Variants in NPLOC4 observed in about 807,000 individuals in gnomAD.
The protein encoded by NPLOC4 is NPL4 homolog, ubiquitin recognition factor.
A neutral mutation model predicts 80.6 loss-of-function variants in NPLOC4; 18 were observed. That is an observed-to-expected ratio of 0.22 (90% confidence interval 0.15 to 0.33). The LOEUF is 0.33. Ranked by LOEUF, NPLOC4 falls within the 10% of genes least tolerant of loss-of-function variation. NPLOC4 has a pLI of 1.00. For missense variants in NPLOC4, 540 were observed against 786.1 expected (o/e 0.69, Z 3.74); for synonymous variants, 313 against 301.5 (o/e 1.04, Z -0.39).
At chr17:81,589,761 G>A (rs1360729407) in intron 11 of NPLOC4, among the ~76,000 whole-genome samples, 1 of 151,858 alleles carries the variant, frequency 6.6e-6, no homozygotes, top group Non-Finnish European at 1.5e-5. Context: ...ACTCTGAGAG[G>A]GCAGGGCGGG....
At position 81,629,711 on chromosome 17, in the gene NPLOC4, C is replaced by A; in HGVS notation, c.96+14G>T. The A allele has an allele frequency of 1.3e-6, 2 of 1,595,928 alleles. No individual in the cohort carries two copies. The highest frequency in any genetic ancestry group is 2.2e-5 in the East Asian group (1 of 44,794). Reference sequence around the variant, plus strand: ...GAAAAATATCCTGAGGGTCAATACCCAGGCCACAGATACCTTTTTCAAAAA... The same window carrying A: ...GAAAAATATCCTGAGGGTCAATACCAAGGCCACAGATACCTTTTTCAAAAA... On this transcript the variant is annotated intron_variant, in intron 2 of 16. Transcript: ENST00000331134.
chr17:81,608,662 T>C, intron 6 of NPLOC4, 66 bp downstream of exon 6: 2 of 1,203,264 alleles, frequency 1.7e-6, no homozygotes, highest in South Asian at 1.3e-5. Context: ...TCACTGGCTA[T>C]AAGCAACAAC....
At position 81,610,226 on chromosome 17, in the gene NPLOC4, T is replaced by C; in HGVS notation, c.419A>G (p.His140Arg). ...CRHGPLGKCV[H>R]CVPLEPFDED... ...GACTCTCACCTCTAGAGGGACGCAG[T>C]GCACGCATTTCCCCAAAGGGCCGTG... Residue 140 changes from histidine (H) to arginine (R), a missense_variant, in exon 5 of 17, where the codon CAC becomes CGC. His to Arg is a conservative substitution (Grantham distance 29, BLOSUM62 0). Coordinates refer to ENST00000331134, the MANE Select transcript of NPLOC4 (RefSeq NM_017921.4). 1 of 1,575,212 alleles carries C rather than the reference T, an allele frequency of 6.3e-7. No individual in the cohort carries two copies. Among genetic ancestry groups the C allele is most frequent in the Non-Finnish European group, 8.6e-7 (1 of 1,160,942 alleles).
Position 81,557,502 on chromosome 17 carries a change from G to A in NPLOC4, c.*1757C>T, listed in dbSNP as rs977393262. ...CGAGTGGGAGAGGAACTGGCAACGC[G>A]GCTCTCTCTAGAAGTCCGTGCTGTC... On this transcript the variant is annotated 3_prime_UTR_variant, in exon 17 of 17. Coordinates refer to ENST00000331134, the MANE Select transcript of NPLOC4 (RefSeq NM_017921.4). 7 of 152,240 alleles carry A rather than the reference G, an allele frequency of 4.6e-5. No homozygotes were observed. The highest frequency in any genetic ancestry group is 1.7e-4 in the African/African-American group (7 of 41,430). The allele number at this position is 152,240 out of a possible 1,614,324, so 9.4% of individuals were successfully genotyped here.
intron 12 of NPLOC4, among the ~76,000 whole-genome samples, chr17:81,585,952 G>A (rs1196882861): frequency 1.3e-5 from 2 of 152,186 alleles, no homozygotes; most frequent in Non-Finnish European, 2.9e-5. Flanking sequence ...TCACGCCACT[G>A]CACTCCAGTC....
At chr17:81,603,518 C>G (rs1454181477) in intron 8 of NPLOC4, among the ~76,000 whole-genome samples, 1 of 152,128 alleles carries the variant, frequency 6.6e-6, no homozygotes, top group Non-Finnish European at 1.5e-5. Flanking sequence ...ATCGCTTGAG[C>G]CCAGGAGGTC....
chr17:81,601,337 C>T (rs1357675764), intron 8 of NPLOC4, among the ~76,000 whole-genome samples: 2 of 152,142 alleles, frequency 1.3e-5, no homozygotes, highest in African/African-American at 4.8e-5. Context: ...ACCTCCAGAA[C>T]GTAGGTTAAA....
intron 1 of NPLOC4, among the ~76,000 whole-genome samples, chr17:81,630,249 C>T (rs1478843128): frequency 6.6e-6 from 1 of 150,796 alleles, no homozygotes; most frequent in East Asian, 1.9e-4. Flanking sequence ...CTTCAAGAGT[C>T]CTACAATTTA....
intron 2 of NPLOC4, 82 bp downstream of exon 2, chr17:81,629,643 G>T: frequency 9.3e-7 from 1 of 1,070,612 alleles, no homozygotes; most frequent in Non-Finnish European, 1.4e-6. Context: ...ATAAGAAAAC[G>T]AGGAAAAGAG....
chr17:81,573,766 G>A lies in NPLOC4; in HGVS notation c.1282-1678C>T, dbSNP rs575284522. ...CAAATAGATCCCACTGATGTTTCCA[G>A]GAGGGCAGGAGAATGAACCTGGACT... On this transcript the variant is annotated intron_variant, in intron 12 of 16. Coordinates refer to ENST00000331134, the MANE Select transcript of NPLOC4 (RefSeq NM_017921.4). 3.3e-5 allele frequency among the ~76,000 whole-genome samples: 5 copies of A among 152,270 alleles called. No homozygotes were observed. In the East Asian group the frequency reaches 5.8e-4, roughly 18 times the overall value.
At chr17:81,602,233 AC>A (rs755213356) in intron 8 of NPLOC4, among the ~76,000 whole-genome samples, 68 of 151,954 alleles carry the variant, frequency 4.5e-4, no homozygotes, top group Non-Finnish European at 5.9e-4. Context: ...ACAAAACAAA[AC>A]AAACAAACAA....
rs1265870612 is a variant in NPLOC4 at position 81,588,947 on chromosome 17, A to G, written c.1278T>C (p.Tyr426=). The G allele has an allele frequency of 6.2e-7, 1 of 1,612,280 alleles. No homozygotes were observed. Among genetic ancestry groups the G allele is most frequent in the Non-Finnish European group, 8.5e-7 (1 of 1,179,168 alleles). The change falls in exon 12 of 17, where the codon TAT becomes TAC. Residue 426 remains tyrosine (Y), a synonymous_variant. Transcript: ENST00000331134. ...CTTTTTCTTACCATACTTTTACCTT[A>G]TAAAACACATCAGGCACGTACTGCT... The part of the protein sequence containing the change: ...SSEQYVPDVF[Y]KDVDKFGNEI...
chr17:81,579,473 C>T (rs1306405146), intron 12 of NPLOC4, among the ~76,000 whole-genome samples: 2 of 152,140 alleles, frequency 1.3e-5, no homozygotes, highest in African/African-American at 4.8e-5. Flanking sequence ...GACAACACCC[C>T]CTTCACAAGT....
Position 81,558,092 on chromosome 17 carries a change from T to G in NPLOC4, c.*1167A>C, listed in dbSNP as rs6565596. 0.64 allele frequency: 97,671 copies of G among 152,206 alleles called. 31,600 individuals carry two copies. The highest frequency in any genetic ancestry group is 0.67 in the Non-Finnish European group (45,450 of 68,124). 9.4% of individuals were successfully genotyped at this position (152,206 alleles called of 1,614,324 possible). On this transcript the variant is annotated 3_prime_UTR_variant, in exon 17 of 17. Transcript: ENST00000331134. Reference sequence around the variant, plus strand: ...CCCACCACTCCCCGGGTAAGAGCCATGCCCCGGCCTGGCCACGCCACAGAG... The same window carrying G: ...CCCACCACTCCCCGGGTAAGAGCCAGGCCCCGGCCTGGCCACGCCACAGAG...
chr17:81,629,930 A>C (rs1474679491), intron 1 of NPLOC4, 125 bp from the exon 2 acceptor site: 6 of 675,194 alleles, frequency 8.9e-6, no homozygotes, highest in African/African-American at 1.8e-5. Flanking sequence ...CTCACTCTTC[A>C]CCTTTCAATA....
At chr17:81,595,373 G>T (rs2034873182) in intron 11 of NPLOC4, among the ~76,000 whole-genome samples, 1 of 147,788 alleles carries the variant, frequency 6.8e-6, no homozygotes, top group African/African-American at 2.5e-5. Flanking sequence ...GGCGGACGTT[G>T]CAGTGAGCCG....
chr17:81,585,579 A>G (rs1316543486), intron 12 of NPLOC4, among the ~76,000 whole-genome samples: 1 of 146,916 alleles, frequency 6.8e-6, no homozygotes, highest in Non-Finnish European at 1.5e-5. Context: ...GGAGAATCGC[A>G]GAACTCAGGT....
chr17:81,602,756 T>G (rs2035092664), intron 8 of NPLOC4, among the ~76,000 whole-genome samples: 1 of 150,614 alleles, frequency 6.6e-6, no homozygotes, highest in African/African-American at 2.4e-5. Flanking sequence ...TAAAAAGATT[T>G]AGGCTGAGCA....
At chr17:81,576,006 G>T (rs968245251) in intron 12 of NPLOC4, among the ~76,000 whole-genome samples, 2 of 151,740 alleles carry the variant, frequency 1.3e-5, no homozygotes, top group African/African-American at 4.9e-5. Flanking sequence ...AATACAAGTG[G>T]GTTACAGGGC....
Sources: allele counts gnomAD v4.1 joint callset (sites outside exome capture counted in the v4.1 genomes callset), GRCh38; gene constraint gnomAD v4.1.1; transcripts MANE v1.5; gene names NCBI Gene and HGNC (gene_info 2026-07-23, HGNC 2026-07-21).